PPM1E: variants seen among roughly 807,000 people sequenced by gnomAD.
PPM1E encodes protein phosphatase 1E.
In PPM1E, 20 loss-of-function variants were observed where a neutral mutation model predicts 65.9. That is an observed-to-expected ratio of 0.30 (90% CI 0.21 to 0.44). PPM1E has a LOEUF of 0.44. Ranked by LOEUF, PPM1E falls within the 20% of genes least tolerant of loss-of-function variation. The pLI, the probability that PPM1E is intolerant of heterozygous loss-of-function variation, is 1.00. For missense variants in PPM1E, 713 were observed against 953.1 expected, an observed-to-expected ratio of 0.75 and a Z score of 3.32; for synonymous variants, 352 against 374.9, an observed-to-expected ratio of 0.94 and a Z score of 0.70.
intron 1 of PPM1E, among the ~76,000 whole-genome samples, chr17:58,844,418 A>T (rs1185010250): frequency 6.6e-6 from 1 of 152,192 alleles, no homozygotes; most frequent in Non-Finnish European, 1.5e-5. Context: ...TTAAAAAGTG[A>T]TATAAAGGGA....
At chr17:58,825,181 T>TA (rs975201002) in intron 1 of PPM1E, among the ~76,000 whole-genome samples, 1 of 141,346 alleles carries the variant, frequency 7.1e-6, no homozygotes, top group African/African-American at 2.6e-5. Context: ...AAAACTAAAA[T>TA]AAAAAAAAGA....
chr17:58,796,908 C>T (rs2050212503), intron 1 of PPM1E, among the ~76,000 whole-genome samples: 1 of 152,090 alleles, frequency 6.6e-6, no homozygotes, highest in Non-Finnish European at 1.5e-5. Flanking sequence ...GGGTTTGAGA[C>T]CAGCCTTGCC....
At chr17:58,892,584 T>A (rs1015796742) in intron 1 of PPM1E, among the ~76,000 whole-genome samples, 3 of 151,788 alleles carry the variant, frequency 2.0e-5, no homozygotes, top group South Asian at 2.1e-4. Flanking sequence ...CTCAAAAAAA[T>A]AATAATAATA....
At chr17:58,768,910 C>A (rs2144164725) in intron 1 of PPM1E, among the ~76,000 whole-genome samples, 1 of 152,238 alleles carries the variant, frequency 6.6e-6, no homozygotes, top group South Asian at 2.1e-4. Flanking sequence ...CTCAGGTGTT[C>A]CACCTGCCTC....
chr17:58,930,426 T>A (rs1804463163), intron 1 of PPM1E, among the ~76,000 whole-genome samples: 1 of 151,986 alleles, frequency 6.6e-6, no homozygotes, highest in African/African-American at 2.4e-5. Context: ...ATTGTACCAC[T>A]GCTCTCCATA....
chr17:58,916,892 A>C (rs2051689496), intron 1 of PPM1E, among the ~76,000 whole-genome samples: 1 of 152,190 alleles, frequency 6.6e-6, no homozygotes, highest in South Asian at 2.1e-4. Flanking sequence ...AAACTAGTCA[A>C]CAGAGATTCC....
chr17:58,772,786 C>T (rs988107529), intron 1 of PPM1E, among the ~76,000 whole-genome samples: 3 of 152,052 alleles, frequency 2.0e-5, no homozygotes, highest in Non-Finnish European at 2.9e-5. Flanking sequence ...GCACTGTAGA[C>T]TCTGTATTTG....
In PPM1E at chr17:58,896,477, C is replaced by T. The variant is rs139474076; in HGVS notation, c.465-59172C>T. Among the ~76,000 whole-genome samples the T allele has an allele frequency of 1.8e-3, 268 of 151,126 alleles. 3 individuals are homozygous for T. Among genetic ancestry groups the T allele is most frequent in the Middle Eastern group, 0.018 (5 of 284 alleles). On this transcript the variant is annotated intron_variant, in intron 1 of 6. Coordinates refer to ENST00000308249, the MANE Select transcript of PPM1E (RefSeq NM_014906.5). The stretch of plus-strand genomic sequence containing the variant: ...GTGCATGCCTGTAGTCCCAGCTACT[C>T]GGGAGGCTGAGGCAGGAGAATTGCT...
At chr17:58,885,349 G>A (rs1317462435) in intron 1 of PPM1E, among the ~76,000 whole-genome samples, 1 of 152,198 alleles carries the variant, frequency 6.6e-6, no homozygotes, top group Non-Finnish European at 1.5e-5. Context: ...GAGCCACCGT[G>A]CCCAGCCAAC....
At chr17:58,930,245 GTA>G (rs67876600) in intron 1 of PPM1E, among the ~76,000 whole-genome samples, 133 of 144,020 alleles carry the variant, frequency 9.2e-4, no homozygotes, top group African/African-American at 1.8e-3. Flanking sequence ...TAAATTAAAT[GTA>G]TATACACACA....
intron 1 of PPM1E, among the ~76,000 whole-genome samples, chr17:58,851,256 G>A (rs776372597): frequency 1.3e-5 from 2 of 152,098 alleles, no homozygotes; most frequent in South Asian, 2.1e-4. Context: ...TGTTATTACC[G>A]ATCGTCTGAA....
intron 1 of PPM1E, among the ~76,000 whole-genome samples, chr17:58,894,210 C>T (rs1237629586): frequency 6.6e-6 from 1 of 152,144 alleles, no homozygotes; most frequent in Non-Finnish European, 1.5e-5. Context: ...CAACCTCCAG[C>T]TCCTGGGTTC....
At chr17:58,929,492 A>C (rs939268216) in intron 1 of PPM1E, among the ~76,000 whole-genome samples, 1 of 152,232 alleles carries the variant, frequency 6.6e-6, no homozygotes, top group East Asian at 1.9e-4. Flanking sequence ...AACAATATGC[A>C]TATTTGCAGG....
In PPM1E at chr17:58,756,039, C is replaced by T. The variant is rs2049755718; in HGVS notation, c.42C>T (p.Phe14=). The part of the protein sequence containing the change: ...CIPEEKTYRR[F]LELFLGEFRG... ...CTGAGGAGAAAACTTACCGGCGCTTCCTGGAGCTATTCCTGGGCGAGTTTC... is the reference window on the plus strand; with the variant it reads ...CTGAGGAGAAAACTTACCGGCGCTTTCTGGAGCTATTCCTGGGCGAGTTTC... The change falls in exon 1 of 7, where the codon TTC becomes TTT. Residue 14 remains phenylalanine (F), a synonymous_variant. Coordinates refer to ENST00000308249, the MANE Select transcript of PPM1E (RefSeq NM_014906.5). The T allele has an allele frequency of 6.2e-7, 1 of 1,613,928 alleles. No homozygotes were observed. The highest frequency in any genetic ancestry group is 1.7e-5 in the Admixed American group (1 of 60,000).
chr17:58,978,945 C>A (rs972743089), intron 6 of PPM1E, among the ~76,000 whole-genome samples: 7 of 152,118 alleles, frequency 4.6e-5, no homozygotes, highest in Non-Finnish European at 8.8e-5. Flanking sequence ...CTCGCTCCTA[C>A]CCCAAGCACC....
intron 1 of PPM1E, among the ~76,000 whole-genome samples, chr17:58,890,554 A>G (rs868844861): frequency 1.9e-4 from 29 of 152,324 alleles, no homozygotes; most frequent in Middle Eastern, 6.8e-3. Context: ...TAGGGGTTAC[A>G]AATAAATTTT....
At chr17:58,897,806 G>A (rs1029393603) in intron 1 of PPM1E, 1 of 152,170 alleles carries the variant, frequency 6.6e-6, no homozygotes, top group Non-Finnish European at 1.5e-5. Context: ...TGCTGAAGGT[G>A]TAATGGATGT....
At chr17:58,797,452 T>C (rs1887992874) in intron 1 of PPM1E, among the ~76,000 whole-genome samples, 1 of 152,190 alleles carries the variant, frequency 6.6e-6, no homozygotes, top group Non-Finnish European at 1.5e-5. Flanking sequence ...TAGAATCCCA[T>C]GTAAACAGAA....
intron 1 of PPM1E, among the ~76,000 whole-genome samples, chr17:58,823,637 C>G (rs964385354): frequency 2.0e-5 from 3 of 152,012 alleles, no homozygotes; most frequent in Non-Finnish European, 4.4e-5. Flanking sequence ...CAAAATTAAT[C>G]TGCACCACAG....
Sources: allele counts gnomAD v4.1 joint callset (sites outside exome capture counted in the v4.1 genomes callset), GRCh38; gene constraint gnomAD v4.1.1; transcripts MANE v1.5; gene names NCBI Gene and HGNC (gene_info 2026-07-23, HGNC 2026-07-21).